Variants in DNAH17 observed in about 807,000 individuals in gnomAD.
DNAH17 encodes the protein axonemal beta dynein heavy chain 17.
In DNAH17, 376 loss-of-function variants were observed where a neutral mutation model predicts 485.6. The observed-to-expected ratio is 0.77, with a 90% confidence interval of 0.71 to 0.84. The LOEUF is 0.84. Among genes scored for constraint, DNAH17 ranks in the 40% least tolerant of loss-of-function variants. DNAH17 has a pLI of 0.00. For missense variants in DNAH17, 6,370 were observed against 5,839.3 expected (o/e 1.09, Z -2.96); for synonymous variants, 3,031 against 2,405.9 (o/e 1.26, Z -7.60).
At chr17:78,550,839 A>G (rs1039714987) in intron 16 of DNAH17, among the ~76,000 whole-genome samples, 2 of 152,202 alleles carry the variant, frequency 1.3e-5, no homozygotes, top group Non-Finnish European at 2.9e-5. Context: ...CAAAAGAAAG[A>G]TATTTTGGAC....
chr17:78,518,228 T>C (rs1321354830), intron 25 of DNAH17, among the ~76,000 whole-genome samples: 1 of 152,120 alleles, frequency 6.6e-6, no homozygotes, highest in African/African-American at 2.4e-5. Flanking sequence ...CATGACCCAA[T>C]CATATGCTGT....
chr17:78,534,627 C>T (rs1350179942), intron 19 of DNAH17, among the ~76,000 whole-genome samples: 1 of 152,202 alleles, frequency 6.6e-6, no homozygotes, highest in East Asian at 1.9e-4. Context: ...TTGTAACTTC[C>T]AGGCATCTAC....
rs774650984 is a variant in DNAH17, at chr17:78,567,009, G to A, written c.1442C>T (p.Pro481Leu). 1.9e-6 allele frequency: 3 copies of A among 1,611,554 alleles called. No individual in the cohort carries two copies. The Admixed American group carries it at 5.0e-5, about 27-fold the overall frequency. The change falls in exon 10 of 81, where the codon CCT becomes CTT. Residue 481 changes from proline to leucine, a missense_variant. Transcript: ENST00000389840. ...TGCCCGAGGACCTACCGAGTCTCCA[G>A]GGTCCAAGGGATCATATTTGCAGTC... ...FADCKYDPLD[P>L]GDSNFDRDYA...
chr17:78,489,467 C>T (rs977242111), intron 44 of DNAH17: 1 of 152,326 alleles, frequency 6.6e-6, no homozygotes, highest in Non-Finnish European at 1.5e-5. Flanking sequence ...GCTCTGCCCT[C>T]AACACGCCCT....
chr17:78,480,013 C>CTTTTTTTTTTT (rs370344478), intron 49 of DNAH17, among the ~76,000 whole-genome samples: 2 of 70,538 alleles, frequency 2.8e-5, no homozygotes, highest in African/African-American at 8.5e-5. Context: ...ACAACAAGTA[C>CTTTTTTTTTTT]TTTTTTTTTT....
chr17:78,509,849 C>T (rs537912901), intron 27 of DNAH17, among the ~76,000 whole-genome samples: 258 of 152,280 alleles, frequency 1.7e-3, no homozygotes, highest in African/African-American at 6.1e-3. Context: ...ATGTACGGGG[C>T]GGGCAGAGCT....
At chr17:78,495,184 C>A in intron 38 of DNAH17, 87 bp from the exon 39 acceptor site, 1 of 1,445,546 alleles carries the variant, frequency 6.9e-7, no homozygotes, top group South Asian at 1.4e-5. Context: ...TAGGAGAGCA[C>A]ACCTCGACTG....
chr17:78,467,920 A>C (rs1430684912), intron 55 of DNAH17, among the ~76,000 whole-genome samples: 1 of 151,632 alleles, frequency 6.6e-6, no homozygotes, highest in East Asian at 2.0e-4. Context: ...CAGGAAGCTG[A>C]GGCTGGAGAA....
At chr17:78,524,985 C>T (rs774670412) in intron 25 of DNAH17, 24 bp downstream of exon 25, 2 of 1,588,576 alleles carry the variant, frequency 1.3e-6, no homozygotes, top group African/African-American at 2.7e-5. Flanking sequence ...CGGGCCCCAC[C>T]CACGCGGCGT....
At chr17:78,481,973 C>T (rs2089366668) in intron 48 of DNAH17, among the ~76,000 whole-genome samples, 1 of 151,944 alleles carries the variant, frequency 6.6e-6, no homozygotes, top group South Asian at 2.1e-4. Flanking sequence ...CAAGATCATG[C>T]TATTGCACTC....
rs187665247 is a variant in DNAH17 at position 78,475,812 on chromosome 17, A to G, written c.8176T>C (p.Phe2726Leu). 32 of 1,613,614 alleles carry G rather than the reference A, an allele frequency of 2.0e-5. No individual in the cohort carries two copies. The Admixed American group carries it at 2.3e-4, about 12-fold the overall frequency. The change falls in exon 53 of 81, where the codon TTT becomes CTT. Residue 2726 changes from phenylalanine to leucine, a missense_variant. Phe to Leu is a conservative substitution (Grantham distance 22). Transcript: ENST00000389840. ...TGGCAGAAGATATTTGGCTTGGCAAATAAGAGTTCATCACCAAGATCCTAG... is the reference window on the plus strand; with the variant it reads ...TGGCAGAAGATATTTGGCTTGGCAAGTAAGAGTTCATCACCAAGATCCTAG... ...FFDDLGDELL[F>L]AKPNIFCHFA...
intron 37 of DNAH17, among the ~76,000 whole-genome samples, chr17:78,497,957 A>C (rs541726393): frequency 1.3e-5 from 2 of 152,274 alleles, no homozygotes; most frequent in South Asian, 4.1e-4. Context: ...AACCTGACCA[A>C]CACGGAGAAA....
chr17:78,485,396 G>T (rs534778019), intron 47 of DNAH17, among the ~76,000 whole-genome samples, 154 bp downstream of exon 47: 1 of 152,136 alleles, frequency 6.6e-6, no homozygotes, highest in African/African-American at 2.4e-5. Flanking sequence ...CTCTGTCTCC[G>T]ACTCAGGAAG....
chr17:78,549,161 G>C (rs930625588), intron 16 of DNAH17, among the ~76,000 whole-genome samples: 3 of 152,250 alleles, frequency 2.0e-5, no homozygotes, highest in African/African-American at 7.2e-5. Flanking sequence ...CTGTGTGGTT[G>C]TAATAGGAGG....
At chr17:78,568,994 C>T (rs2092310966) in intron 9 of DNAH17, among the ~76,000 whole-genome samples, 172 bp downstream of exon 9, 1 of 152,088 alleles carries the variant, frequency 6.6e-6, no homozygotes, top group South Asian at 2.1e-4. Context: ...CAGCTCTGGC[C>T]ACGGCAGATG....
chr17:78,484,737 G>GTACCCCCCTGCCGCCCC (rs2089512931), intron 48 of DNAH17, 131 bp downstream of exon 48: 2 of 282,458 alleles, frequency 7.1e-6, no homozygotes, highest in African/African-American at 4.0e-5. Context: ...CCACGTTGCA[G>GTACCCCCCTGCCGCCCC]CACCCCCCCC....
chr17:78,428,362 C>T lies in DNAH17; in HGVS notation c.12588+163G>A, dbSNP rs1371131804. ...CCACGTCTGAGGACCTGCTGACCAG[C>T]CTGCGGGCCATACCCCAGTGTTTCT... is the stretch of plus-strand genomic sequence containing the variant. On this transcript the variant is annotated intron_variant, in intron 77 of 80. Transcript: ENST00000389840. 32 of 831,610 alleles carry T rather than the reference C, an allele frequency of 3.8e-5. No homozygotes were observed. The South Asian group carries it at 4.8e-4, about 12-fold the overall frequency. 51.5% of individuals were successfully genotyped at this position (831,610 alleles called of 1,614,324 possible).
chr17:78,425,155 T>C (rs2086383003), intron 80 of DNAH17, 191 bp downstream of exon 80: 4 of 596,518 alleles, frequency 6.7e-6, no homozygotes, highest in East Asian at 2.9e-5. Flanking sequence ...GCACATTCCC[T>C]GAATCCTCTC....
rs975551824 is a variant in DNAH17 at position 78,551,070 on chromosome 17, C to CAA, written c.2391+463_2391+464dup. On this transcript the variant is annotated intron_variant, in intron 16 of 80. Coordinates refer to ENST00000389840, the MANE Select transcript of DNAH17 (RefSeq NM_173628.4). ...CTCATCTCCACTAAAAAAACAAAAA[C>CAA]AAAAACAAAATTCCTTTTGGATATA... Among the ~76,000 whole-genome samples, 41 of 152,094 alleles carry CAA rather than the reference C, an allele frequency of 2.7e-4. 1 individual carries two copies. The highest frequency in any genetic ancestry group is 9.9e-4 in the African/African-American group (41 of 41,494).
Sources: gnomAD v4.1 joint callset for allele counts (sites outside exome capture counted in the v4.1 genomes callset) on GRCh38, gnomAD v4.1.1 for gene constraint, MANE v1.5 for transcripts, NCBI Gene and HGNC (gene_info 2026-07-23, HGNC 2026-07-21) for gene names.